The following SETBP1 variants were observed in gnomAD, a reference collection of about 807,000 sequenced individuals.
SETBP1 encodes the protein SET-binding protein.
In SETBP1, 9 loss-of-function variants were observed where a neutral mutation model predicts 101.0. The ratio of observed to expected loss-of-function variants is 0.09; its 90% CI spans 0.05 to 0.16. SETBP1 has a LOEUF of 0.16. Among genes scored for constraint, SETBP1 ranks in the 10% least tolerant of loss-of-function variants. The pLI is 1.00. For missense variants in SETBP1, 1,858 were observed against 2,033.8 expected, an observed-to-expected ratio of 0.91 and a Z score of 1.66; for synonymous variants, 818 against 788.5, an observed-to-expected ratio of 1.04 and a Z score of -0.63.
intron 2 of SETBP1, among the ~76,000 whole-genome samples, chr18:44,837,770 G>T (rs979504266): frequency 6.6e-6 from 1 of 152,190 alleles, no homozygotes; most frequent in African/African-American, 2.4e-5. Flanking sequence ...GGAAAGTGTT[G>T]CAAGCCTTAC....
At chr18:44,693,652 C>A (rs1467979708) in intron 1 of SETBP1, among the ~76,000 whole-genome samples, 2 of 152,210 alleles carry the variant, frequency 1.3e-5, no homozygotes. Flanking sequence ...CAAAGTCAGA[C>A]AGTCAGTCTC....
intron 3 of SETBP1, among the ~76,000 whole-genome samples, chr18:44,885,654 G>T (rs1233256672): frequency 2.0e-5 from 3 of 151,674 alleles, no homozygotes; most frequent in Non-Finnish European, 4.4e-5. Context: ...AAAAATTGTT[G>T]AACAGCTGTA....
intron 3 of SETBP1, among the ~76,000 whole-genome samples, chr18:44,919,347 C>CTTT (rs537734514): frequency 2.9e-5 from 4 of 138,840 alleles, no homozygotes; most frequent in Admixed American, 7.3e-5. Flanking sequence ...ATCCCCCCAT[C>CTTT]TTTTTTTTTT....
chr18:45,049,050 G>A (rs891353617), intron 5 of SETBP1, among the ~76,000 whole-genome samples: 1 of 150,912 alleles, frequency 6.6e-6, no homozygotes, highest in Admixed American at 6.6e-5. Context: ...ACACTACGTG[G>A]GAAGGCCTGC....
intron 2 of SETBP1, among the ~76,000 whole-genome samples, chr18:44,730,964 C>T (rs918164789): frequency 1.1e-4 from 16 of 152,156 alleles, no homozygotes; most frequent in African/African-American, 3.9e-4. Flanking sequence ...GTTGGAGTGG[C>T]TGTGATAGTG....
intron 2 of SETBP1, among the ~76,000 whole-genome samples, chr18:44,710,613 G>A (rs374091369): frequency 2.2e-4 from 34 of 151,966 alleles, no homozygotes; most frequent in African/African-American, 7.5e-4. Flanking sequence ...CACCACATGC[G>A]GCTAACTTTT....
chr18:44,949,207 T>C (rs532252712), intron 3 of SETBP1, among the ~76,000 whole-genome samples: 59 of 152,202 alleles, frequency 3.9e-4, no homozygotes, highest in Non-Finnish European at 7.1e-4. Flanking sequence ...TGCCCTCGAT[T>C]GGCCCACTTT....
chr18:45,033,846 C>G (rs767948239), intron 4 of SETBP1, among the ~76,000 whole-genome samples: 3 of 152,202 alleles, frequency 2.0e-5, no homozygotes, highest in African/African-American at 2.4e-5. Flanking sequence ...ATCATCCCAC[C>G]TCTTACAGCT....
chr18:45,016,263 G>A (rs2072938104), intron 4 of SETBP1, among the ~76,000 whole-genome samples: 1 of 152,166 alleles, frequency 6.6e-6, no homozygotes, highest in Non-Finnish European at 1.5e-5. Context: ...CCATTAGAAA[G>A]CAGGATGGCA....
At chr18:44,720,492 A>C (rs566473249) in intron 2 of SETBP1, among the ~76,000 whole-genome samples, 1 of 152,222 alleles carries the variant, frequency 6.6e-6, no homozygotes, top group African/African-American at 2.4e-5. Flanking sequence ...GAAGAGAGGA[A>C]CCACATGGGC....
intron 4 of SETBP1, among the ~76,000 whole-genome samples, chr18:44,982,470 G>A (rs1026273284): frequency 9.9e-5 from 15 of 152,142 alleles, no homozygotes; most frequent in African/African-American, 3.4e-4. Flanking sequence ...GCTCTGGTTC[G>A]ACTTGCATTT....
intron 2 of SETBP1, among the ~76,000 whole-genome samples, chr18:44,753,982 A>G (rs1188427668): frequency 1.3e-5 from 2 of 152,204 alleles, no homozygotes; most frequent in East Asian, 1.9e-4. Context: ...GGACAGCTCA[A>G]ACTCATGCAA....
chr18:44,973,933 G>C (rs765735812), intron 4 of SETBP1, among the ~76,000 whole-genome samples: 1 of 152,124 alleles, frequency 6.6e-6, no homozygotes, highest in East Asian at 1.9e-4. Flanking sequence ...CCTTAGGACA[G>C]GGCTTGTCAG....
At chr18:44,865,972 T>A (rs946834846) in intron 2 of SETBP1, among the ~76,000 whole-genome samples, 2 of 152,216 alleles carry the variant, frequency 1.3e-5, no homozygotes, top group African/African-American at 2.4e-5. Context: ...TGACATTATA[T>A]CCCTGTATCC....
At chr18:44,788,790 ATTTTTTT>A (rs34929410) in intron 2 of SETBP1, among the ~76,000 whole-genome samples, 59 of 80,416 alleles carry the variant, frequency 7.3e-4, no homozygotes, top group Non-Finnish European at 9.3e-4. Flanking sequence ...TTCCTTTTTA[ATTTTTTT>A]TTTTTTTTTT....
At chr18:44,792,411 T>G (rs1384330176) in intron 2 of SETBP1, among the ~76,000 whole-genome samples, 3 of 152,220 alleles carry the variant, frequency 2.0e-5, no homozygotes, top group Non-Finnish European at 4.4e-5. Flanking sequence ...TAAACGTGTC[T>G]GTTGCCTGCC....
At chr18:44,806,739 G>A (rs2071749390) in intron 2 of SETBP1, among the ~76,000 whole-genome samples, 2 of 141,766 alleles carry the variant, frequency 1.4e-5, no homozygotes, top group South Asian at 4.6e-4. Context: ...CTACTCACAG[G>A]TGTGATCATA....
intron 2 of SETBP1, among the ~76,000 whole-genome samples, chr18:44,847,270 G>A (rs191141608): frequency 1.3e-5 from 2 of 152,220 alleles, no homozygotes. Context: ...AATGGAGCCA[G>A]TCTCAGCCAG....
At chr18:44,851,053 A>C (rs542014336) in intron 2 of SETBP1, among the ~76,000 whole-genome samples, 1 of 152,298 alleles carries the variant, frequency 6.6e-6, no homozygotes, top group Admixed American at 6.5e-5. Flanking sequence ...GAAGTGCACT[A>C]TGTAACAGCT....
Sources: gnomAD v4.1 joint callset for allele counts (sites outside exome capture counted in the v4.1 genomes callset) on GRCh38, gnomAD v4.1.1 for gene constraint, MANE v1.5 for transcripts, NCBI Gene and HGNC (gene_info 2026-07-23, HGNC 2026-07-21) for gene names.